SNX31: variants seen among roughly 807,000 people sequenced by gnomAD.
The protein encoded by SNX31 is sorting nexin-31.
SNX31 carries 58 observed loss-of-function variants against 65.4 expected under a neutral mutation model. The ratio of observed to expected loss-of-function variants is 0.89; its 90% CI spans 0.72 to 1.10. SNX31 has a LOEUF of 1.10. Ranked by LOEUF, SNX31 falls within the 50% of genes least tolerant of loss-of-function variation. SNX31 has a pLI of 0.00. For synonymous variants in SNX31, 181 were observed against 190.1 expected (o/e 0.95, Z 0.39); for missense variants, 523 against 529.7 (o/e 0.99, Z 0.12).
chr8:100,649,622 T>G lies in SNX31; in HGVS notation c.-108A>C, dbSNP rs891633938. 6.2e-6 allele frequency: 7 copies of G among 1,137,148 alleles called. No homozygotes were observed. In the South Asian group the frequency reaches 9.5e-5, roughly 15 times the overall value. The allele number at this position is 1,137,148 out of a possible 1,614,324, so 70.4% of individuals were successfully genotyped here. A position where few individuals can be genotyped will look rare whatever the true frequency, so the allele number is the denominator to read the frequency against. On this transcript the variant is annotated 5_prime_UTR_variant, in exon 1 of 14. The change abolishes the stop of an existing upstream ORF in the 5' untranslated region. Coordinates refer to ENST00000311812, the MANE Select transcript of SNX31 (RefSeq NM_152628.4). ...GACGCAGCGCGGCCTGCCACGCGAC[T>G]CAGAGCGAACCCCGGCGCCCGCTCT...
In SNX31 at chr8:100,596,943, G is replaced by C. The variant is rs1038106546; in HGVS notation, c.775-101C>G. On this transcript the variant is annotated intron_variant, in intron 9 of 13. Coordinates refer to ENST00000311812, the MANE Select transcript of SNX31 (RefSeq NM_152628.4). ...CATGTCAGAAGCTACTGCCATTCTA[G>C]GATAATACATGGAACTGAGTCACAG... is the stretch of plus-strand genomic sequence containing the variant. 5 of 964,984 alleles carry C rather than the reference G, an allele frequency of 5.2e-6. No individual in the cohort carries two copies. The African/African-American group carries it at 8.1e-5, about 16-fold the overall frequency. 59.8% of individuals were successfully genotyped at this position (964,984 alleles called of 1,614,324 possible).
intron 1 of SNX31, among the ~76,000 whole-genome samples, chr8:100,657,088 T>A (rs1026134217): frequency 2.0e-5 from 3 of 152,192 alleles, no homozygotes; most frequent in African/African-American, 4.8e-5. Context: ...AATATTTTGT[T>A]AAAATGTAAT....
chr8:100,650,850 G>GTTTTTTTTTT (rs58797178), upstream of SNX31, among the ~76,000 whole-genome samples: 10 of 136,968 alleles, frequency 7.3e-5, no homozygotes, highest in South Asian at 2.3e-4. Flanking sequence ...GTGTTTTTTT[G>GTTTTTTTTTT]TTTTTTTTTT....
chr8:100,658,433 C>A (rs751341070), intron 1 of SNX31, among the ~76,000 whole-genome samples: 2 of 152,202 alleles, frequency 1.3e-5, no homozygotes, highest in Non-Finnish European at 2.9e-5. Context: ...TACTGAGCGA[C>A]AGTGAGTGGA....
rs1035247251 is a variant in SNX31 at position 100,576,716 on chromosome 8, T to C, written c.1227+303A>G. Among the ~76,000 whole-genome samples, 5 of 152,132 alleles carry C rather than the reference T, an allele frequency of 3.3e-5. No individual in the cohort carries two copies. Among genetic ancestry groups the C allele is most frequent in the African/African-American group, 7.2e-5 (3 of 41,428 alleles). ...ACCAAAATATACTAGATATGTAACA[T>C]ATACAAATTAGAAAGAGAGTTGCCT... On this transcript the variant is annotated intron_variant, in intron 13 of 13. Coordinates refer to ENST00000311812, the MANE Select transcript of SNX31 (RefSeq NM_152628.4). The surrounding 1 kb of genome is among the most constrained non-coding windows in gnomAD (Gnocchi z 4.8).
chr8:100,580,574 A>G (rs1813407054), intron 12 of SNX31, among the ~76,000 whole-genome samples: 1 of 152,236 alleles, frequency 6.6e-6, no homozygotes, highest in African/African-American at 2.4e-5. Context: ...CTTAAAGAAA[A>G]GAAGTGAACC....
chr8:100,600,368 T>C lies in SNX31; in HGVS notation c.755A>G (p.Lys252Arg). ...AQRQKLEAFQKEDSQTKFLEL... is the reference protein window; with the variant it reads ...AQRQKLEAFQREDSQTKFLEL... ...ATTCACCTTTGTTTGACTGTCTTCT[T>C]TCTGGAAAGCTTCTAATTTCTGCCT... The change falls in exon 9 of 14, where the codon AAA (lysine) becomes AGA (arginine). Residue 252 changes from lysine to arginine, a missense_variant. Lys to Arg is a conservative substitution (Grantham distance 26). Coordinates refer to ENST00000311812, the MANE Select transcript of SNX31 (RefSeq NM_152628.4). The C allele has an allele frequency of 1.2e-6, 2 of 1,613,776 alleles. No individual in the cohort carries two copies. The highest frequency in any genetic ancestry group is 1.7e-6 in the Non-Finnish European group (2 of 1,179,804).
rs1280015414 is a variant in SNX31, at chr8:100,618,497, T to C, written c.322-767A>G. 1.4e-5 allele frequency: 9 copies of C among 631,434 alleles called. No individual in the cohort carries two copies. The African/African-American group carries it at 1.6e-4, about 12-fold the overall frequency. 39.1% of individuals were successfully genotyped at this position (631,434 alleles called of 1,614,324 possible). A position where few individuals can be genotyped will look rare whatever the true frequency, so the allele number is the denominator to read the frequency against. On this transcript the variant is annotated intron_variant, in intron 4 of 13. Coordinates refer to ENST00000311812, the MANE Select transcript of SNX31 (RefSeq NM_152628.4). Reference sequence around the variant, plus strand: ...AATTCAATTCAATTATGACATGCTTTGCTTGGAGTTGGCATCAGATCCCTC... The same window carrying C: ...AATTCAATTCAATTATGACATGCTTCGCTTGGAGTTGGCATCAGATCCCTC...
Position 100,612,935 on chromosome 8 carries a change from C to A in SNX31, c.523+60G>T. The A allele has an allele frequency of 6.9e-7, 1 of 1,440,620 alleles. No homozygotes were observed. The highest frequency in any genetic ancestry group is 2.3e-5 in the East Asian group (1 of 43,982). The allele number at this position is 1,440,620 out of a possible 1,614,324, so 89.2% of individuals were successfully genotyped here. On this transcript the variant is annotated intron_variant, in intron 6 of 13. Coordinates refer to ENST00000311812, the MANE Select transcript of SNX31 (RefSeq NM_152628.4). This position sits in a 1 kb window ranked among gnomAD's most constrained non-coding sequence, Gnocchi z 4.3. The stretch of plus-strand genomic sequence containing the variant: ...GCCCCTCAGCTGTGACTCCTATGAG[C>A]CCCTGCTCACACCTGTCCACCCCAT...
In SNX31 at chr8:100,649,421, CCCACCCTGA is replaced by C; in HGVS notation, c.66+19_66+27del. The C allele has an allele frequency of 7.8e-7, 1 of 1,278,162 alleles. No individual in the cohort carries two copies. The highest frequency in any genetic ancestry group is 1.1e-6 in the Non-Finnish European group (1 of 898,682). 79.2% of individuals were successfully genotyped at this position (1,278,162 alleles called of 1,614,324 possible). ...AGCATTGCCACCGGCCCCCTCCCTG[CCCACCCTGA>C]CCCCAGCCCTGGGCGCACCACGTAG... On this transcript the variant is annotated intron_variant, in intron 1 of 13. Transcript: ENST00000311812.
At chr8:100,628,533 T>A (rs1405733783) in intron 4 of SNX31, among the ~76,000 whole-genome samples, 2 of 146,206 alleles carry the variant, frequency 1.4e-5, no homozygotes, top group Non-Finnish European at 3.0e-5. Flanking sequence ...AGGTGGGAAT[T>A]GAACAATGAG....
rs146665484 is a variant in SNX31 at position 100,649,289 on chromosome 8, G to T, written c.126C>A (p.His42Gln). The T allele has an allele frequency of 3.1e-6, 5 of 1,613,930 alleles. No individual in the cohort carries two copies. In the African/African-American group the frequency reaches 6.7e-5, roughly 22 times the overall value. The change falls in exon 2 of 14, where the codon CAC becomes CAA. Residue 42 changes from histidine to glutamine, a missense_variant. Coordinates refer to ENST00000311812, the MANE Select transcript of SNX31 (RefSeq NM_152628.4). ...LFCRVRYSQL[H>Q]GWNEQLRRVF... ...ATCTGCTCACCTGTTCGTTCCAACCGTGCAGCTGGCTGTAGCGCACCCTGC... is the reference window on the plus strand; with the variant it reads ...ATCTGCTCACCTGTTCGTTCCAACCTTGCAGCTGGCTGTAGCGCACCCTGC...
intron 1 of SNX31, among the ~76,000 whole-genome samples, chr8:100,656,660 A>T: frequency 6.6e-6 from 1 of 151,708 alleles, no homozygotes; most frequent in East Asian, 1.9e-4. Flanking sequence ...AAAAAAAAAA[A>T]AAAAAACCTT....
chr8:100,611,971 C>A, intron 7 of SNX31, 29 bp downstream of exon 7: 1 of 1,570,744 alleles, frequency 6.4e-7, no homozygotes, highest in Non-Finnish European at 8.8e-7. Context: ...TGTCGTCAAA[C>A]GCCTCTGTCA....
chr8:100,663,309 G>A (rs190507622), exon 1 of SNX31: 12 of 152,290 alleles, frequency 7.9e-5, no homozygotes, highest in African/African-American at 2.9e-4. Flanking sequence ...TTCCCACTGA[G>A]CAGTATCTTT....
At chr8:100,595,850 G>A (rs1815033664) in intron 10 of SNX31, among the ~76,000 whole-genome samples, 1 of 152,212 alleles carries the variant, frequency 6.6e-6, no homozygotes, top group South Asian at 2.1e-4. Context: ...CAGAGAATAT[G>A]TAGAGGAATG....
intron 8 of SNX31, among the ~76,000 whole-genome samples, chr8:100,605,292 T>C (rs1816044198): frequency 6.6e-6 from 1 of 151,998 alleles, no homozygotes; most frequent in Admixed American, 6.6e-5. Flanking sequence ...TTGGGAGAAG[T>C]GGGAGGAAGG....
At chr8:100,636,133 G>A in intron 2 of SNX31, 122 bp from the exon 3 acceptor site, 1 of 642,192 alleles carries the variant, frequency 1.6e-6, no homozygotes, top group Admixed American at 2.8e-5. Context: ...AAGCTTTCCT[G>A]GTAGCCCAAA....
rs958730098 is a variant in SNX31, at chr8:100,594,414, T to C, written c.978+2225A>G. ...CCAGATGGCCAACAAAGAACAAGTA[T>C]CTAGAATACATAAAGAACTCTCAAC... On this transcript the variant is annotated intron_variant, in intron 10 of 13. Coordinates refer to ENST00000311812, the MANE Select transcript of SNX31 (RefSeq NM_152628.4). The surrounding 1 kb of genome is among the most constrained non-coding windows in gnomAD (Gnocchi z 4.0). Among the ~76,000 whole-genome samples, 1 of 151,910 alleles carries C rather than the reference T, an allele frequency of 6.6e-6. No individual in the cohort carries two copies. The highest frequency in any genetic ancestry group is 1.5e-5 in the Non-Finnish European group (1 of 68,000).
Sources: allele counts gnomAD v4.1 joint callset (sites outside exome capture counted in the v4.1 genomes callset), GRCh38; gene constraint gnomAD v4.1.1; non-coding constraint Gnocchi (gnomAD v3.1); transcripts MANE v1.5; gene names NCBI Gene and HGNC (gene_info 2026-07-23, HGNC 2026-07-21).